ENDOD1: variants seen among roughly 807,000 people sequenced by gnomAD.
ENDOD1 encodes endonuclease domain containing 1.
Under a neutral mutation model 6.5 loss-of-function variants are expected in ENDOD1, and 9 were observed. That is an observed-to-expected ratio of 1.39 (90% CI 0.84 to 2.43). The LOEUF is 2.43. Ranked by LOEUF, ENDOD1 falls within the 30% of genes most tolerant of loss-of-function variation. ENDOD1 has a pLI of 0.00. For missense variants in ENDOD1, 648 were observed against 635.5 expected (o/e 1.02, Z -0.21); for synonymous variants, 255 against 255.2 (o/e 1.00, Z 0.01).
chr11:95,100,372 C>T (rs1317387681), intron 1 of ENDOD1, among the ~76,000 whole-genome samples: 1 of 152,182 alleles, frequency 6.6e-6, no homozygotes, highest in Non-Finnish European at 1.5e-5. Flanking sequence ...AGCTCCTTAT[C>T]GTGCTCTACA....
Position 95,129,584 on chromosome 11 carries a change from A to C in ENDOD1, c.*5A>C. The C allele has an allele frequency of 1.9e-6, 3 of 1,605,556 alleles. No individual in the cohort carries two copies. The highest frequency in any genetic ancestry group is 2.6e-6 in the Non-Finnish European group (3 of 1,175,454). ...GACAATTCTGGGGAGTTATAAACTC[A>C]AAAAACTAATAGTATCCAGTCACAG... On this transcript the variant is annotated 3_prime_UTR_variant, in exon 2 of 2. Transcript: ENST00000278505.
chr11:95,099,985 G>A (rs545035181), intron 1 of ENDOD1, among the ~76,000 whole-genome samples: 28 of 152,298 alleles, frequency 1.8e-4, no homozygotes, highest in Non-Finnish European at 3.1e-4. Context: ...CTCGGGACAC[G>A]CAGAAACACA....
chr11:95,098,111 A>AT (rs1859003993), intron 1 of ENDOD1, among the ~76,000 whole-genome samples: 1 of 151,876 alleles, frequency 6.6e-6, no homozygotes, highest in Non-Finnish European at 1.5e-5. Flanking sequence ...AAAGCTTTGG[A>AT]TTTTGGAACA....
chr11:95,121,559 CTT>C (rs1859262243), intron 1 of ENDOD1, among the ~76,000 whole-genome samples: 1 of 152,168 alleles, frequency 6.6e-6, no homozygotes. Flanking sequence ...CTCCAATACT[CTT>C]TTCAATTTTT....
In ENDOD1 at chr11:95,126,259, T is replaced by G. The variant is rs199986846; in HGVS notation, c.301-2118T>G. On this transcript the variant is annotated intron_variant, in intron 1 of 1. Transcript: ENST00000278505. ...TTGCCATTGCAGAGCCAGAGAGATG[T>G]GCAGTTGGACTGCCCTCAGACTAGA... is the stretch of plus-strand genomic sequence containing the variant. Among the ~76,000 whole-genome samples, 4 of 152,234 alleles carry G rather than the reference T, an allele frequency of 2.6e-5. No homozygotes were observed. In the East Asian group the frequency reaches 7.7e-4, roughly 29 times the overall value.
intron 1 of ENDOD1, 115 bp downstream of exon 1, chr11:95,090,342 C>A: frequency 7.7e-7 from 1 of 1,290,834 alleles, no homozygotes; most frequent in Non-Finnish European, 9.9e-7. Flanking sequence ...CCTACGCCTT[C>A]GGTGCCTTGG....
chr11:95,106,422 T>C (rs983799179), intron 1 of ENDOD1, among the ~76,000 whole-genome samples: 2 of 152,138 alleles, frequency 1.3e-5, no homozygotes, highest in Non-Finnish European at 2.9e-5. Flanking sequence ...TGGTTGAATA[T>C]AAAGGAAGGT....
chr11:95,106,982 T>C (rs1452524702), intron 1 of ENDOD1, among the ~76,000 whole-genome samples: 1 of 151,818 alleles, frequency 6.6e-6, no homozygotes, highest in Admixed American at 6.5e-5. Flanking sequence ...CTTAATTCAG[T>C]TGAATTTGAG....
rs770397599 is a variant in ENDOD1, at chr11:95,128,412, T to C, written c.336T>C (p.Ile112=). 4 of 1,614,048 alleles carry C rather than the reference T, an allele frequency of 2.5e-6. No homozygotes were observed. Among genetic ancestry groups the C allele is most frequent in the Non-Finnish European group, 3.4e-6 (4 of 1,179,952 alleles). ...DDPNSNLEEA[I]NEAEAITSVN... is the part of the protein sequence containing the mutation. ...CCAACAGCAACCTTGAGGAGGCGATTAATGAGGCAGAGGCCATCACCTCTG... is the reference window on the plus strand; with the variant it reads ...CCAACAGCAACCTTGAGGAGGCGATCAATGAGGCAGAGGCCATCACCTCTG... The change falls in exon 2 of 2, where the codon ATT becomes ATC. Residue 112 remains isoleucine (I), a synonymous_variant. Transcript: ENST00000278505.
chr11:95,130,989 A>G lies in ENDOD1; in HGVS notation c.*1410A>G, dbSNP rs560004523. Reference sequence around the variant, plus strand: ...GGCTACCGCCCAGGATCAATCAGAAAGTTATATGCAAAAATTCGGGGTCCC... The same window carrying G: ...GGCTACCGCCCAGGATCAATCAGAAGGTTATATGCAAAAATTCGGGGTCCC... On this transcript the variant is annotated 3_prime_UTR_variant, in exon 2 of 2. Transcript: ENST00000278505. The G allele has an allele frequency of 3.9e-5, 6 of 152,370 alleles. No homozygotes were observed. Among genetic ancestry groups the G allele is most frequent in the Admixed American group, 3.9e-4 (6 of 15,310 alleles). The allele number at this position is 152,370 out of a possible 1,614,324, so 9.4% of individuals were successfully genotyped here.
intron 1 of ENDOD1, among the ~76,000 whole-genome samples, chr11:95,108,535 A>AC (rs1325896470): frequency 2.8e-4 from 42 of 148,348 alleles, no homozygotes; most frequent in African/African-American, 3.4e-4. Flanking sequence ...ACAGACACCC[A>AC]AAAAAAGAAA....
rs771252357 is a variant in ENDOD1, at chr11:95,129,322, C to G, written c.1246C>G (p.Leu416Val). ...AGTCATCAGGGCTCTCCTCCGGATC[C>G]TTTGTTGTCTGCTGAAGGCCATTTG... ...AKVIRALLRI[L>V]CCLLKAICRV... Residue 416 changes from leucine to valine, a missense_variant, in exon 2 of 2, where the codon CTT becomes GTT. Physicochemically the swap from Leu to Val is conservative, Grantham distance 32. Transcript: ENST00000278505. The G allele has an allele frequency of 6.2e-6, 10 of 1,614,190 alleles. No individual in the cohort carries two copies. The East Asian group carries it at 1.8e-4, about 29-fold the overall frequency.
In ENDOD1 at chr11:95,128,675, C is replaced by T; in HGVS notation, c.599C>T (p.Thr200Ile). The change falls in exon 2 of 2, where the codon ACA becomes ATA. Residue 200 changes from threonine to isoleucine, a missense_variant. Physicochemically the swap from Thr to Ile is moderately conservative, Grantham distance 89 (BLOSUM62 -1). Coordinates refer to ENST00000278505, the MANE Select transcript of ENDOD1 (RefSeq NM_015036.3). ...AGTGGGGAAGACCTATATATCCTCA[C>T]AGGCACAGTGCCCTCAGACTACAGA... ...CGSGEDLYIL[T>I]GTVPSDYRVK... is the part of the protein sequence containing the mutation. The T allele has an allele frequency of 6.2e-7, 1 of 1,614,212 alleles. No individual in the cohort carries two copies. The highest frequency in any genetic ancestry group is 8.5e-7 in the Non-Finnish European group (1 of 1,180,042).
chr11:95,090,164 C>T lies in ENDOD1; in HGVS notation c.237C>T (p.Ser79=). ...YSTRDRIPVY[S]AFRAPRPAPG... ...CCCGGGACCGCATCCCCGTGTACTCCGCGTTCCGCGCCCCGCGCCCTGCGC... is the reference window on the plus strand; with the variant it reads ...CCCGGGACCGCATCCCCGTGTACTCTGCGTTCCGCGCCCCGCGCCCTGCGC... The change falls in exon 1 of 2, where the codon TCC becomes TCT. Residue 79 remains serine (S), a synonymous_variant. Transcript: ENST00000278505. The T allele has an allele frequency of 1.4e-6, 2 of 1,455,472 alleles. No homozygotes were observed. The highest frequency in any genetic ancestry group is 1.8e-6 in the Non-Finnish European group (2 of 1,090,608). The allele number at this position is 1,455,472 out of a possible 1,614,324, so 90.2% of individuals were successfully genotyped here.
rs1038891526 is a variant in ENDOD1, at chr11:95,130,750, A to G, written c.*1171A>G. ...TTACAGTGTGTTTGAGGCTACAAAC[A>G]TAACTCCCCCATTAATACAAATTAA... On this transcript the variant is annotated 3_prime_UTR_variant, in exon 2 of 2. Transcript: ENST00000278505. 3.9e-5 allele frequency: 6 copies of G among 152,246 alleles called. No homozygotes were observed. Among genetic ancestry groups the G allele is most frequent in the African/African-American group, 1.4e-4 (6 of 41,472 alleles). The allele number at this position is 152,246 out of a possible 1,614,324, so 9.4% of individuals were successfully genotyped here. A position where few individuals can be genotyped will look rare whatever the true frequency, so the allele number is the denominator to read the frequency against.
intron 1 of ENDOD1, among the ~76,000 whole-genome samples, chr11:95,125,381 T>C (rs1390949741): frequency 6.6e-6 from 1 of 152,192 alleles, no homozygotes; most frequent in Admixed American, 6.5e-5. Flanking sequence ...TTCCTTGGGA[T>C]GTATCTTTCA....
At chr11:95,103,094 AGAGTGG>A in intron 1 of ENDOD1, among the ~76,000 whole-genome samples, 1 of 101,854 alleles carries the variant, frequency 9.8e-6, no homozygotes, top group Non-Finnish European at 2.1e-5. Flanking sequence ...GGAACTAGGC[AGAGTGG>A]GTGTGTGTGT....
chr11:95,126,391 A>T (rs988453656), intron 1 of ENDOD1, among the ~76,000 whole-genome samples: 1 of 152,138 alleles, frequency 6.6e-6, no homozygotes, highest in Non-Finnish European at 1.5e-5. Flanking sequence ...ACTCATTTTA[A>T]TTAGGTTTGT....
chr11:95,098,046 T>C (rs1395601226), intron 1 of ENDOD1, among the ~76,000 whole-genome samples: 1 of 152,184 alleles, frequency 6.6e-6, no homozygotes, highest in African/African-American at 2.4e-5. Flanking sequence ...TCTGGAAATC[T>C]GAAATCTGAA....
Sources: allele counts gnomAD v4.1 joint callset (sites outside exome capture counted in the v4.1 genomes callset), GRCh38; gene constraint gnomAD v4.1.1; transcripts MANE v1.5; gene names NCBI Gene and HGNC (gene_info 2026-07-23, HGNC 2026-07-21).